The following ANKS1B variants were observed in gnomAD, a reference collection of about 807,000 sequenced individuals.
The protein encoded by ANKS1B is ankyrin repeat and sterile alpha motif domain-containing protein 1B.
Under a neutral mutation model 148.3 loss-of-function variants are expected in ANKS1B, and 36 were observed. That is an observed-to-expected ratio of 0.24 (90% CI 0.19 to 0.32). ANKS1B has a LOEUF of 0.32. ANKS1B is among the 10% of genes least tolerant of loss of function. The probability of loss-of-function intolerance (pLI) is 1.00; values close to 1 mark genes in which losing one functional copy is unlikely to be tolerated. For missense variants in ANKS1B, 1,157 were observed against 1,542.6 expected, an observed-to-expected ratio of 0.75 and a Z score of 4.19; for synonymous variants, 542 against 560.8, an observed-to-expected ratio of 0.97 and a Z score of 0.47.
At chr12:99,509,499 C>T (rs2096743242) in intron 9 of ANKS1B, among the ~76,000 whole-genome samples, 3 of 151,918 alleles carry the variant, frequency 2.0e-5, no homozygotes. Context: ...GAAGATCACA[C>T]CAGCCACAAC....
intron 1 of ANKS1B, among the ~76,000 whole-genome samples, chr12:99,934,018 A>C (rs573402856): frequency 3.0e-4 from 46 of 152,090 alleles, no homozygotes; most frequent in Admixed American, 5.9e-4. Flanking sequence ...CTCAGTATCT[A>C]ATGAAATGAT....
intron 14 of ANKS1B, among the ~76,000 whole-genome samples, chr12:99,205,640 T>A (rs191466748): frequency 3.3e-5 from 5 of 152,302 alleles, no homozygotes; most frequent in Middle Eastern, 3.4e-3. Flanking sequence ...TCTCTGGAGC[T>A]TATCAGCTTT....
At chr12:99,223,095 T>A (rs2085367166) in intron 14 of ANKS1B, among the ~76,000 whole-genome samples, 1 of 152,220 alleles carries the variant, frequency 6.6e-6, no homozygotes, top group Non-Finnish European at 1.5e-5. Context: ...ACAGTTTCCA[T>A]CAGACACTCA....
intron 8 of ANKS1B, among the ~76,000 whole-genome samples, chr12:99,755,457 A>G (rs1309525350): frequency 6.6e-6 from 1 of 152,062 alleles, no homozygotes; most frequent in East Asian, 1.9e-4. Context: ...ACTATTCCAA[A>G]AAATTGAAAA....
intron 1 of ANKS1B, among the ~76,000 whole-genome samples, chr12:99,848,660 T>C (rs113120051): frequency 0.014 from 2,090 of 152,060 alleles, 13 homozygotes; most frequent in South Asian, 0.048. Context: ...ATACAAGAAA[T>C]GAATCTCAAC....
At chr12:98,870,764 T>A (rs1567358497) in intron 17 of ANKS1B, among the ~76,000 whole-genome samples, 1 of 152,262 alleles carries the variant, frequency 6.6e-6, no homozygotes, top group Admixed American at 6.5e-5. Flanking sequence ...TCTGCATCTA[T>A]GTCAGCATCC....
chr12:99,673,365 T>C (rs2098547302), intron 8 of ANKS1B, among the ~76,000 whole-genome samples: 1 of 152,030 alleles, frequency 6.6e-6, no homozygotes, highest in Non-Finnish European at 1.5e-5. Flanking sequence ...TAATAGAAAC[T>C]GACTCTGTTA....
intron 15 of ANKS1B, among the ~76,000 whole-genome samples, chr12:99,087,782 G>C (rs898840144): frequency 1.1e-4 from 16 of 152,152 alleles, no homozygotes; most frequent in Non-Finnish European, 2.1e-4. Context: ...GAAACAGAAA[G>C]CATACGAATA....
At chr12:99,897,852 TA>T (rs3054223) in intron 1 of ANKS1B, among the ~76,000 whole-genome samples, 2,731 of 117,810 alleles carry the variant, frequency 0.023, 63 homozygotes, top group African/African-American at 0.055. Flanking sequence ...AATTAAAAGT[TA>T]AAAAAAAAAA....
intron 14 of ANKS1B, among the ~76,000 whole-genome samples, chr12:99,192,778 T>TA (rs1417932734): frequency 6.6e-6 from 1 of 152,116 alleles, no homozygotes; most frequent in Admixed American, 6.5e-5. Context: ...GACTATTATG[T>TA]AAAAAAATTC....
intron 1 of ANKS1B, among the ~76,000 whole-genome samples, chr12:99,950,113 ATTTT>A (rs35287842): frequency 2.2e-4 from 20 of 90,542 alleles, no homozygotes; most frequent in South Asian, 3.6e-4. Context: ...TGCTCAGTTA[ATTTT>A]TTTTTTTTTT....
intron 12 of ANKS1B, among the ~76,000 whole-genome samples, chr12:99,256,320 C>T (rs1258940367): frequency 6.6e-6 from 1 of 150,878 alleles, no homozygotes. Context: ...CCTTCCTAAA[C>T]AATTTAAAAA....
chr12:99,559,336 A>G (rs1002936952), intron 9 of ANKS1B, among the ~76,000 whole-genome samples: 1 of 152,176 alleles, frequency 6.6e-6, no homozygotes, highest in Non-Finnish European at 1.5e-5. Flanking sequence ...ATTTTGCACA[A>G]TATTTTAGAA....
Position 98,998,278 on chromosome 12 carries a change from C to T in ANKS1B, c.2778+54879G>A, listed in dbSNP as rs528638034. Among the ~76,000 whole-genome samples, 200 of 152,302 alleles carry T rather than the reference C, an allele frequency of 1.3e-3. 1 individual carries two copies. Among genetic ancestry groups the T allele is most frequent in the African/African-American group, 4.6e-3 (190 of 41,566 alleles). On this transcript the variant is annotated intron_variant, in intron 17 of 26. Transcript: ENST00000683438. Reference sequence around the variant, plus strand: ...ACAAGGGATTAAGACTTTGAGATTACTTTTGGAGCCAGGGTGACTTAAGCA... The same window carrying T: ...ACAAGGGATTAAGACTTTGAGATTATTTTTGGAGCCAGGGTGACTTAAGCA...
At chr12:99,058,372 T>C (rs1317688538) in intron 16 of ANKS1B, among the ~76,000 whole-genome samples, 1 of 151,764 alleles carries the variant, frequency 6.6e-6, no homozygotes, top group Non-Finnish European at 1.5e-5. Context: ...GCTTCCCTAG[T>C]AGCTGGGACC....
chr12:98,894,616 G>A, intron 17 of ANKS1B: 1 of 985,082 alleles, frequency 1.0e-6, no homozygotes, highest in Non-Finnish European at 1.2e-6. Flanking sequence ...GGGGGCCGCT[G>A]TGCCGCTACT....
chr12:99,704,015 C>G (rs1230621870), intron 8 of ANKS1B, among the ~76,000 whole-genome samples: 2 of 152,038 alleles, frequency 1.3e-5, no homozygotes, highest in Non-Finnish European at 2.9e-5. Flanking sequence ...ATTACTAAAA[C>G]CAGTAACGTG....
chr12:99,346,671 A>G (rs2152360383), intron 12 of ANKS1B, among the ~76,000 whole-genome samples: 1 of 152,116 alleles, frequency 6.6e-6, no homozygotes, highest in Middle Eastern at 3.4e-3. Context: ...AAGTTACTGA[A>G]ATTCTGGAAA....
intron 12 of ANKS1B, among the ~76,000 whole-genome samples, chr12:99,384,509 A>G (rs1304336619): frequency 1.3e-5 from 2 of 151,886 alleles, no homozygotes; most frequent in Non-Finnish European, 2.9e-5. Context: ...TCATTTACCC[A>G]AAGATCATTT....
Sources: allele counts gnomAD v4.1 joint callset (sites outside exome capture counted in the v4.1 genomes callset), GRCh38; gene constraint gnomAD v4.1.1; transcripts MANE v1.5; gene names NCBI Gene and HGNC (gene_info 2026-07-23, HGNC 2026-07-21).